SLC9C2: variants seen among roughly 807,000 people sequenced by gnomAD.
SLC9C2 encodes sodium/hydrogen exchanger 11.
A neutral mutation model predicts 140.2 loss-of-function variants in SLC9C2; 75 were observed. That is an observed-to-expected ratio of 0.53 (90% CI 0.44 to 0.65). SLC9C2 has a LOEUF of 0.65. Among genes scored for constraint, SLC9C2 ranks in the 30% least tolerant of loss-of-function variants. SLC9C2 has a pLI of 0.00. For synonymous variants in SLC9C2, 375 were observed against 420.9 expected (o/e 0.89, Z 1.34); for missense variants, 1,074 against 1,331.8 (o/e 0.81, Z 3.01).
intron 5 of SLC9C2, among the ~76,000 whole-genome samples, chr1:173,586,823 G>C (rs1665878239): frequency 6.6e-6 from 1 of 152,074 alleles, no homozygotes; most frequent in Non-Finnish European, 1.5e-5. Flanking sequence ...AGTGGGAGTT[G>C]AACAATGAGA....
At chr1:173,564,924 A>G (rs1664363190) in intron 9 of SLC9C2, among the ~76,000 whole-genome samples, 1 of 147,774 alleles carries the variant, frequency 6.8e-6, no homozygotes, top group African/African-American at 2.5e-5. Context: ...GGCGTGAGCC[A>G]CCGTGCCTGG....
At chr1:173,592,061 G>T (rs1404917616) in intron 4 of SLC9C2, among the ~76,000 whole-genome samples, 1 of 152,128 alleles carries the variant, frequency 6.6e-6, no homozygotes, top group South Asian at 2.1e-4. Context: ...TAAGAAAGGG[G>T]TCCAATTTCA....
intron 7 of SLC9C2, among the ~76,000 whole-genome samples, chr1:173,580,778 TCGAG>T (rs1441360739): frequency 4.1e-4 from 63 of 152,186 alleles, no homozygotes; most frequent in Non-Finnish European, 8.4e-4. Flanking sequence ...CCAAAGCTCT[TCGAG>T]GACTAGTAGC....
At chr1:173,573,362 T>A in intron 8 of SLC9C2, 37 bp from the exon 9 acceptor site, 1 of 1,358,124 alleles carries the variant, frequency 7.4e-7, no homozygotes, top group Non-Finnish European at 1.0e-6. Context: ...TTTTAAGCAA[T>A]CATCTTAAAA....
In SLC9C2 at chr1:173,587,741, C is replaced by A; in HGVS notation, c.447G>T (p.Leu149Phe). Residue 149 changes from leucine (L) to phenylalanine (F), a missense_variant, in exon 5 of 28, where the codon TTG (leucine) becomes TTT (phenylalanine). Transcript: ENST00000367714. ...VIKFNKDSWD[L>F]QSCLLFSITL... The stretch of plus-strand genomic sequence containing the variant: ...TGATGCTAAAGAGTAGGCAAGATTG[C>A]AAATCCCATGAATCTTTATTGAATT... 1 of 1,613,322 alleles carries A rather than the reference C, an allele frequency of 6.2e-7. No homozygotes were observed. Among genetic ancestry groups the A allele is most frequent in the Non-Finnish European group, 8.5e-7 (1 of 1,179,572 alleles).
intron 6 of SLC9C2, 131 bp downstream of exon 6, chr1:173,583,375 G>T: frequency 7.8e-6 from 4 of 514,412 alleles, no homozygotes; most frequent in Admixed American, 6.7e-5. Flanking sequence ...TTTTTTTCTT[G>T]TTACTTCATA....
chr1:173,556,927 C>T (rs1202308102), intron 10 of SLC9C2, among the ~76,000 whole-genome samples: 1 of 70,802 alleles, frequency 1.4e-5, no homozygotes, highest in Non-Finnish European at 2.9e-5. Flanking sequence ...AATCTTGTCT[C>T]AAAAAAAAAA....
intron 17 of SLC9C2, among the ~76,000 whole-genome samples, chr1:173,532,045 C>G (rs1250006701): frequency 6.6e-6 from 1 of 152,170 alleles, no homozygotes; most frequent in Non-Finnish European, 1.5e-5. Context: ...AAACCAGGTA[C>G]AGTAACTCTG....
At position 173,521,405 on chromosome 1, in the gene SLC9C2, T is replaced by C. The variant is rs1660801767; in HGVS notation, c.2641-6A>G. On this transcript the variant is annotated splice_polypyrimidine_tract_variant and splice_region_variant and intron_variant, in intron 21 of 27. Coordinates refer to ENST00000367714, the MANE Select transcript of SLC9C2 (RefSeq NM_178527.4). ...CAGGCAAGTTTGGCTCTTTCCTGAG[T>C]GGGAAAAAAAAAAACGAAAAGAAAA... is the stretch of plus-strand genomic sequence containing the variant. 2 of 1,437,662 alleles carry C rather than the reference T, an allele frequency of 1.4e-6. No individual in the cohort carries two copies. The highest frequency in any genetic ancestry group is 2.6e-5 in the East Asian group (1 of 38,922). The allele number at this position is 1,437,662 out of a possible 1,614,324, so 89.1% of individuals were successfully genotyped here. A position where few individuals can be genotyped will look rare whatever the true frequency, so the allele number is the denominator to read the frequency against.
At chr1:173,597,520 A>G (rs1348289821) in intron 4 of SLC9C2, among the ~76,000 whole-genome samples, 1 of 152,156 alleles carries the variant, frequency 6.6e-6, no homozygotes, top group East Asian at 1.9e-4. Flanking sequence ...CATAGAAGGC[A>G]CAAGTAACAA....
intron 22 of SLC9C2, among the ~76,000 whole-genome samples, chr1:173,520,271 T>C (rs757477504): frequency 6.6e-5 from 10 of 152,216 alleles, no homozygotes; most frequent in Non-Finnish European, 1.0e-4. Context: ...TTTTGCCATG[T>C]TGGCCAGGCT....
chr1:173,548,183 T>C (rs560492427), intron 12 of SLC9C2, among the ~76,000 whole-genome samples: 23 of 152,310 alleles, frequency 1.5e-4, no homozygotes, highest in Middle Eastern at 6.8e-3. Context: ...TCTCCTGGTA[T>C]TTGGCAAATA....
chr1:173,512,845 G>A (rs147432739), intron 23 of SLC9C2, among the ~76,000 whole-genome samples: 211 of 152,280 alleles, frequency 1.4e-3, no homozygotes, highest in Middle Eastern at 6.8e-3. Context: ...ACTTTATTGA[G>A]AGTTTTTAAC....
At chr1:173,510,879 T>A (rs894016020) in intron 23 of SLC9C2, among the ~76,000 whole-genome samples, 1 of 152,152 alleles carries the variant, frequency 6.6e-6, no homozygotes, top group Non-Finnish European at 1.5e-5. Context: ...TCAAATGGTA[T>A]TTCTGGTTCT....
At chr1:173,544,988 C>G (rs1331410533) in intron 13 of SLC9C2, among the ~76,000 whole-genome samples, 4 of 152,136 alleles carry the variant, frequency 2.6e-5, no homozygotes, top group African/African-American at 7.2e-5. Flanking sequence ...CACATGTACC[C>G]TAGAACTTAA....
At chr1:173,522,726 G>A (rs112100809) in intron 21 of SLC9C2, among the ~76,000 whole-genome samples, 2,260 of 152,174 alleles carry the variant, frequency 0.015, 69 homozygotes, top group African/African-American at 0.052. Flanking sequence ...GATGTTCTTC[G>A]GGCCCTCTGC....
chr1:173,504,930 A>T (rs1359459), intron 26 of SLC9C2, among the ~76,000 whole-genome samples: 1 of 152,172 alleles, frequency 6.6e-6, no homozygotes, highest in Non-Finnish European at 1.5e-5. Flanking sequence ...TTCCCTCCCC[A>T]TTCTTGCACT....
chr1:173,544,524 T>C (rs1468670815), intron 13 of SLC9C2, among the ~76,000 whole-genome samples: 1 of 152,112 alleles, frequency 6.6e-6, no homozygotes, highest in Non-Finnish European at 1.5e-5. Flanking sequence ...ACCCAAAGGA[T>C]TATAAATCAT....
chr1:173,584,116 A>G (rs548188224), intron 5 of SLC9C2, among the ~76,000 whole-genome samples: 1 of 152,326 alleles, frequency 6.6e-6, no homozygotes, highest in Admixed American at 6.5e-5. Context: ...CTATCAGCTG[A>G]TAAATGAATA....
Sources: gnomAD v4.1 joint callset for allele counts (sites outside exome capture counted in the v4.1 genomes callset) on GRCh38, gnomAD v4.1.1 for gene constraint, MANE v1.5 for transcripts, NCBI Gene and HGNC (gene_info 2026-07-23, HGNC 2026-07-21) for gene names.